ATRNL1: variants seen among roughly 807,000 people sequenced by gnomAD.
The protein encoded by ATRNL1 is attractin-like protein 1.
A neutral mutation model predicts 182.7 loss-of-function variants in ATRNL1; 95 were observed. The ratio of observed to expected loss-of-function variants is 0.52; its 90% CI spans 0.44 to 0.62. The LOEUF is 0.62. Ranked by LOEUF, ATRNL1 falls within the 20% of genes least tolerant of loss-of-function variation. The probability of loss-of-function intolerance (pLI) is 0.00; values close to 1 mark genes in which losing one functional copy is unlikely to be tolerated. For missense variants in ATRNL1, 1,471 were observed against 1,679.5 expected, an observed-to-expected ratio of 0.88 and a Z score of 2.17; for synonymous variants, 576 against 568.3, an observed-to-expected ratio of 1.01 and a Z score of -0.19.
At chr10:115,367,665 C>CTA (rs1857127340) in intron 19 of ATRNL1, among the ~76,000 whole-genome samples, 1 of 133,390 alleles carries the variant, frequency 7.5e-6, no homozygotes, top group African/African-American at 2.5e-5. Context: ...TACTTTTGGT[C>CTA]GTCGATGATG....
intron 1 of ATRNL1, among the ~76,000 whole-genome samples, chr10:115,107,279 T>C (rs1554866243): frequency 2.0e-5 from 3 of 152,142 alleles, no homozygotes; most frequent in African/African-American, 7.2e-5. Context: ...GTTGTTTACT[T>C]CCAAAGTGCA....
At chr10:115,915,515 A>T (rs1952824075) in intron 28 of ATRNL1, among the ~76,000 whole-genome samples, 1 of 151,914 alleles carries the variant, frequency 6.6e-6, no homozygotes, top group South Asian at 2.1e-4. Flanking sequence ...GAAAGACATC[A>T]GATAATTAAC....
At chr10:115,403,977 C>T (rs1257704335) in intron 20 of ATRNL1, among the ~76,000 whole-genome samples, 4 of 152,068 alleles carry the variant, frequency 2.6e-5, no homozygotes, top group Non-Finnish European at 4.4e-5. Flanking sequence ...CAGTTCAGAA[C>T]GCATGTTACT....
chr10:115,094,099 CT>C, intron 1 of ATRNL1, 56 bp downstream of exon 1: 1 of 1,309,516 alleles, frequency 7.6e-7, no homozygotes. Context: ...CCGTCGCGGC[CT>C]TCCCCGCCCC....
chr10:115,870,538 C>A (rs61865188), intron 28 of ATRNL1, among the ~76,000 whole-genome samples: 1,714 of 152,276 alleles, frequency 0.011, 17 homozygotes, highest in South Asian at 0.028. Flanking sequence ...CCCAACTGCT[C>A]CTGAAGGACT....
At chr10:115,249,934 G>T (rs931601201) in intron 10 of ATRNL1, among the ~76,000 whole-genome samples, 3 of 152,234 alleles carry the variant, frequency 2.0e-5, no homozygotes, top group East Asian at 3.9e-4. Flanking sequence ...GTAAGAATTG[G>T]TTTAGACTAC....
chr10:115,783,056 A>G (rs782646043), intron 27 of ATRNL1, among the ~76,000 whole-genome samples: 1 of 152,204 alleles, frequency 6.6e-6, no homozygotes, highest in Non-Finnish European at 1.5e-5. Flanking sequence ...GGTTGGTATT[A>G]TTCAGCATGG....
At chr10:115,200,217 A>C (rs1848509743) in intron 8 of ATRNL1, among the ~76,000 whole-genome samples, 1 of 151,178 alleles carries the variant, frequency 6.6e-6, no homozygotes, top group African/African-American at 2.4e-5. Flanking sequence ...TTTTTTTGTT[A>C]CTTGTTTAGT....
chr10:115,622,938 A>C (rs1555023515), intron 26 of ATRNL1, among the ~76,000 whole-genome samples: 1 of 152,102 alleles, frequency 6.6e-6, no homozygotes, highest in Non-Finnish European at 1.5e-5. Context: ...AAAAAAAAAT[A>C]GAATTTAAAA....
intron 28 of ATRNL1, among the ~76,000 whole-genome samples, chr10:115,935,388 A>AT (rs1555122607): frequency 6.6e-6 from 1 of 152,154 alleles, no homozygotes; most frequent in East Asian, 1.9e-4. Context: ...TATTATCATT[A>AT]TTGCTTTTAT....
intron 10 of ATRNL1, among the ~76,000 whole-genome samples, chr10:115,248,317 A>G (rs1564849484): frequency 6.6e-6 from 1 of 152,158 alleles, no homozygotes; most frequent in Non-Finnish European, 1.5e-5. Flanking sequence ...TAAAAAATGT[A>G]AAAAAGGAAA....
intron 6 of ATRNL1, among the ~76,000 whole-genome samples, chr10:115,163,279 T>C (rs1200135911): frequency 6.6e-6 from 1 of 151,776 alleles, no homozygotes; most frequent in East Asian, 1.9e-4. Context: ...TTTCTTAGCG[T>C]TTTTAGTTTT....
chr10:115,329,484 C>T (rs1186097452), intron 18 of ATRNL1, among the ~76,000 whole-genome samples: 3 of 152,072 alleles, frequency 2.0e-5, no homozygotes, highest in African/African-American at 7.2e-5. Flanking sequence ...TGGGTGTTAA[C>T]ATTCCCCTAC....
intron 24 of ATRNL1, among the ~76,000 whole-genome samples, chr10:115,476,564 T>C (rs916290196): frequency 2.6e-5 from 4 of 151,402 alleles, no homozygotes; most frequent in African/African-American, 4.8e-5. Flanking sequence ...GAAATTGTAG[T>C]TTTTGTACAT....
intron 8 of ATRNL1, among the ~76,000 whole-genome samples, chr10:115,191,982 T>C (rs1848187091): frequency 6.6e-6 from 1 of 152,112 alleles, no homozygotes. Context: ...CAACTTTGTA[T>C]ATTCTGGTTA....
chr10:115,915,259 G>C (rs1337152025), intron 28 of ATRNL1, among the ~76,000 whole-genome samples: 1 of 152,074 alleles, frequency 6.6e-6, no homozygotes. Flanking sequence ...TTAGCCAGGC[G>C]TGGTGGCGGG....
intron 19 of ATRNL1, among the ~76,000 whole-genome samples, chr10:115,351,495 C>A (rs573535195): frequency 1.1e-4 from 17 of 151,740 alleles, no homozygotes; most frequent in South Asian, 2.1e-4. Flanking sequence ...CTTTTTCAAC[C>A]ATTGAAATAA....
intron 5 of ATRNL1, among the ~76,000 whole-genome samples, chr10:115,133,763 T>G (rs868969918): frequency 7.9e-5 from 12 of 151,094 alleles, no homozygotes; most frequent in Admixed American, 3.9e-4. Flanking sequence ...AGCACCACAT[T>G]GCACTTATTC....
chr10:115,336,174 T>A (rs1251157594), intron 19 of ATRNL1, among the ~76,000 whole-genome samples: 3 of 152,216 alleles, frequency 2.0e-5, no homozygotes, highest in Non-Finnish European at 4.4e-5. Flanking sequence ...AAGATCATAT[T>A]GCTAGTTAGA....
Sources: gnomAD v4.1 joint callset for allele counts (sites outside exome capture counted in the v4.1 genomes callset) on GRCh38, gnomAD v4.1.1 for gene constraint, MANE v1.5 for transcripts, NCBI Gene and HGNC (gene_info 2026-07-23, HGNC 2026-07-21) for gene names.